ACBD6: variants seen among roughly 807,000 people sequenced by gnomAD.
The protein encoded by ACBD6 is acyl-CoA binding domain containing 6.
Under a neutral mutation model 37.2 loss-of-function variants are expected in ACBD6, and 28 were observed. That is an observed-to-expected ratio of 0.75 (90% confidence interval 0.56 to 1.03). ACBD6 has a LOEUF of 1.03. Among genes scored for constraint, ACBD6 ranks in the 50% least tolerant of loss-of-function variants. The pLI, the probability that ACBD6 is intolerant of heterozygous loss-of-function variation, is 0.00. For synonymous variants in ACBD6, 113 were observed against 126.8 expected (o/e 0.89, Z 0.73); for missense variants, 340 against 337.4 (o/e 1.01, Z -0.06).
intron 3 of ACBD6, among the ~76,000 whole-genome samples, chr1:180,455,302 A>G (rs1649873215): frequency 1.3e-5 from 2 of 152,100 alleles, no homozygotes; most frequent in Non-Finnish European, 2.9e-5. Context: ...ATTCTCATTC[A>G]TAAGTGGGAG....
At chr1:180,375,632 G>A (rs1229407991) in intron 6 of ACBD6, among the ~76,000 whole-genome samples, 3 of 152,132 alleles carry the variant, frequency 2.0e-5, no homozygotes, top group Non-Finnish European at 2.9e-5. Flanking sequence ...AGCTGGAATA[G>A]ACTTTTAAAT....
chr1:180,290,424 G>A (rs1217727678), intron 7 of ACBD6, among the ~76,000 whole-genome samples: 4 of 152,120 alleles, frequency 2.6e-5, no homozygotes, highest in South Asian at 4.1e-4. Context: ...CAATCCTCCC[G>A]CCTTGGCCTC....
chr1:180,362,911 G>A (rs1158602086), intron 6 of ACBD6, among the ~76,000 whole-genome samples: 1 of 152,190 alleles, frequency 6.6e-6, no homozygotes, highest in Non-Finnish European at 1.5e-5. Context: ...TAGAACCTAT[G>A]CTAATCCCAA....
At chr1:180,295,570 G>A (rs796829970) in intron 7 of ACBD6, among the ~76,000 whole-genome samples, 9 of 151,230 alleles carry the variant, frequency 6.0e-5, no homozygotes, top group African/African-American at 1.9e-4. Flanking sequence ...CAAGTCTATC[G>A]GTGCCATTTT....
chr1:180,437,417 T>C (rs1350492776), intron 3 of ACBD6, among the ~76,000 whole-genome samples: 1 of 152,218 alleles, frequency 6.6e-6, no homozygotes, highest in African/African-American at 2.4e-5. Flanking sequence ...CCAGTTGGTG[T>C]CTGCTGCAGA....
chr1:180,363,232 CG>C (rs1241568143), intron 6 of ACBD6, among the ~76,000 whole-genome samples: 1 of 152,042 alleles, frequency 6.6e-6, no homozygotes, highest in African/African-American at 2.4e-5. Context: ...TTTTGTACCT[CG>C]TTGAAGTTTT....
intron 3 of ACBD6, among the ~76,000 whole-genome samples, chr1:180,475,269 C>T (rs1420159122): frequency 6.6e-6 from 1 of 152,176 alleles, no homozygotes; most frequent in Non-Finnish European, 1.5e-5. Flanking sequence ...ATATATCCAC[C>T]ATCTCGGAAA....
At chr1:180,388,273 A>C (rs10798757) in intron 6 of ACBD6, among the ~76,000 whole-genome samples, 73,909 of 151,994 alleles carry the variant, frequency 0.49, 20,792 homozygotes, top group South Asian at 0.66. Flanking sequence ...TCTTCTTCTA[A>C]CCCTTTAGTC....
chr1:180,306,352 T>G (rs1650372740), intron 7 of ACBD6, among the ~76,000 whole-genome samples: 1 of 152,124 alleles, frequency 6.6e-6, no homozygotes, highest in African/African-American at 2.4e-5. Context: ...AAGGGTCAAC[T>G]GTATATAAAT....
rs746961806 is a variant in ACBD6, at chr1:180,502,238, G to A, written c.29C>T (p.Ala10Val). MASSFLPAG[A>V]ITGDSGGELS... ...CTCTCCACCGCTGTCGCCGGTGATG[G>A]CCCCCGCGGGCAGGAATGATGAAGC... Residue 10 changes from alanine to valine, a missense_variant, in exon 1 of 8, where the codon GCC becomes GTC. Transcript: ENST00000367595. The A allele has an allele frequency of 6.2e-7, 1 of 1,613,640 alleles. No homozygotes were observed. The highest frequency in any genetic ancestry group is 1.1e-5 in the South Asian group (1 of 91,072).
At chr1:180,277,458 T>A (rs1054998257) in intron 9 of ACBD6, 44 of 152,334 alleles carry the variant, frequency 2.9e-4, no homozygotes, top group African/African-American at 1.0e-3. Context: ...TGGTCGACTT[T>A]AGAGTAGGAA....
At chr1:180,407,594 A>G (rs1028634227) in intron 5 of ACBD6, among the ~76,000 whole-genome samples, 12 of 152,198 alleles carry the variant, frequency 7.9e-5, no homozygotes, top group African/African-American at 2.9e-4. Context: ...CCAAATGACA[A>G]CTGCTTATCC....
intron 6 of ACBD6, among the ~76,000 whole-genome samples, chr1:180,375,402 T>A (rs887039836): frequency 1.3e-5 from 2 of 152,170 alleles, no homozygotes; most frequent in Non-Finnish European, 1.5e-5. Flanking sequence ...GACAGCTAAC[T>A]GCAGTCTCGA....
At chr1:180,471,656 A>G (rs1468759537) in intron 3 of ACBD6, among the ~76,000 whole-genome samples, 3 of 152,144 alleles carry the variant, frequency 2.0e-5, no homozygotes, top group African/African-American at 7.2e-5. Flanking sequence ...AGACTTATTC[A>G]GTATCTCGAG....
At chr1:180,467,805 C>A (rs1650409444) in intron 3 of ACBD6, among the ~76,000 whole-genome samples, 1 of 132,404 alleles carries the variant, frequency 7.6e-6, no homozygotes, top group Admixed American at 8.3e-5. Flanking sequence ...ATTATTTAAC[C>A]ATTCCCCTAT....
rs138969172 is a variant in ACBD6, at chr1:180,430,005, G to C, written c.467+175C>G. Among the ~76,000 whole-genome samples the C allele has an allele frequency of 4.8e-3, 731 of 152,244 alleles. 12 individuals are homozygous for C. Among genetic ancestry groups the C allele is most frequent in the African/African-American group, 0.017 (690 of 41,554 alleles). On this transcript the variant is annotated intron_variant, in intron 4 of 7. Coordinates refer to ENST00000367595, the MANE Select transcript of ACBD6 (RefSeq NM_032360.4). ...ATTATTTCCTGTCATTTATTGTCCTGCTGGCAAATACCACCAAATCAGTTT... is the reference window on the plus strand; with the variant it reads ...ATTATTTCCTGTCATTTATTGTCCTCCTGGCAAATACCACCAAATCAGTTT...
At chr1:180,453,805 A>G (rs1188934542) in intron 3 of ACBD6, among the ~76,000 whole-genome samples, 2 of 152,324 alleles carry the variant, frequency 1.3e-5, no homozygotes, top group East Asian at 3.9e-4. Flanking sequence ...AAACTGCTAC[A>G]AAGAAATTCC....
intron 4 of ACBD6, among the ~76,000 whole-genome samples, chr1:180,429,123 T>C (rs1648712506): frequency 6.6e-6 from 1 of 152,178 alleles, no homozygotes; most frequent in Admixed American, 6.5e-5. Context: ...AACTAAAAGC[T>C]AAAAGTATTT....
intron 6 of ACBD6, among the ~76,000 whole-genome samples, chr1:180,330,066 T>C (rs1232537964): frequency 6.6e-6 from 1 of 152,110 alleles, no homozygotes; most frequent in East Asian, 1.9e-4. Flanking sequence ...TACAAGGACT[T>C]GATTCTCTGG....
Sources: allele counts gnomAD v4.1 joint callset (sites outside exome capture counted in the v4.1 genomes callset), GRCh38; gene constraint gnomAD v4.1.1; transcripts MANE v1.5; gene names NCBI Gene and HGNC (gene_info 2026-07-23, HGNC 2026-07-21).